Variants in FHIP1B observed in about 807,000 individuals in gnomAD.
FHIP1B encodes FHF complex subunit HOOK-interacting protein 1B.
Under a neutral mutation model 82.2 loss-of-function variants are expected in FHIP1B, and 28 were observed. The ratio of observed to expected loss-of-function variants is 0.34; its 90% confidence interval spans 0.25 to 0.47. The LOEUF (loss-of-function observed/expected upper bound fraction) is 0.47, where lower values mean the gene tolerates loss of function less well. Among genes scored for constraint, FHIP1B ranks in the 20% least tolerant of loss-of-function variants. The pLI, the probability that FHIP1B is intolerant of heterozygous loss-of-function variation, is 1.00. For missense variants in FHIP1B, 1,110 were observed against 1,262.6 expected, an observed-to-expected ratio of 0.88 and a Z score of 1.83; for synonymous variants, 585 against 516.1, an observed-to-expected ratio of 1.13 and a Z score of -1.81.
intron 9 of FHIP1B, chr11:6,215,145 A>C (rs1174417787): frequency 5.0e-6 from 2 of 403,184 alleles, no homozygotes; most frequent in Non-Finnish European, 8.8e-6. Context: ...CTGACAAGCC[A>C]GATCTTAGGC....
In FHIP1B at chr11:6,222,916, G is replaced by A; in HGVS notation, c.937-19C>T. 1.2e-6 allele frequency: 2 copies of A among 1,612,232 alleles called. No individual in the cohort carries two copies. Among genetic ancestry groups the A allele is most frequent in the Non-Finnish European group, 8.5e-7 (1 of 1,178,260 alleles). ...GAGCCACCTGTAGGAGTGCCAGAGA[G>A]AAGGGGGAGGGTTATGAGGAGACCA... On this transcript the variant is annotated intron_variant, in intron 4 of 11. Coordinates refer to ENST00000449352, the MANE Select transcript of FHIP1B (RefSeq NM_001098794.2).
intron 1 of FHIP1B, among the ~76,000 whole-genome samples, chr11:6,233,779 G>A (rs1194483943): frequency 1.3e-5 from 2 of 152,178 alleles, no homozygotes; most frequent in African/African-American, 4.8e-5. Context: ...GAATAAGGTT[G>A]TCCAGAAGCA....
chr11:6,224,705 A>C lies in FHIP1B; in HGVS notation c.-189T>G. 1.7e-6 allele frequency: 1 copy of C among 588,980 alleles called. No homozygotes were observed. The highest frequency in any genetic ancestry group is 3.0e-6 in the Non-Finnish European group (1 of 338,078). 36.5% of individuals were successfully genotyped at this position (588,980 alleles called of 1,614,324 possible). A position where few individuals can be genotyped will look rare whatever the true frequency, so the allele number is the denominator to read the frequency against. On this transcript the variant is annotated splice_region_variant and 5_prime_UTR_variant, in exon 2 of 12. It adds an upstream start codon to the 5' untranslated region. Coordinates refer to ENST00000449352, the MANE Select transcript of FHIP1B (RefSeq NM_001098794.2). ...GGTCACTGGCCAGTCCAGATTTCTA[A>C]ATCTAATTCAGAGAAGAGATAATGG... is the stretch of plus-strand genomic sequence containing the variant.
At position 6,211,396 on chromosome 11, in the gene FHIP1B, T is replaced by A; in HGVS notation, c.*110A>T. 1 of 1,321,166 alleles carries A rather than the reference T, an allele frequency of 7.6e-7. No individual in the cohort carries two copies. The highest frequency in any genetic ancestry group is 1.0e-6 in the Non-Finnish European group (1 of 971,948). 81.8% of individuals were successfully genotyped at this position (1,321,166 alleles called of 1,614,324 possible). On this transcript the variant is annotated 3_prime_UTR_variant, in exon 12 of 12. Transcript: ENST00000449352. ...CAACAAGTTCTCCATAAAACATTCATCTGAAATAAATTAAAAAGTCCTTTT... is the reference window on the plus strand; with the variant it reads ...CAACAAGTTCTCCATAAAACATTCAACTGAAATAAATTAAAAAGTCCTTTT...
In FHIP1B at chr11:6,224,450, C is replaced by G. The variant is rs199549976; in HGVS notation, c.67G>C (p.Ala23Pro). The G allele has an allele frequency of 2.3e-5, 37 of 1,614,000 alleles. No homozygotes were observed. The African/African-American group carries it at 4.7e-4, about 20-fold the overall frequency. The part of the protein sequence containing the change: ...RGPGHRIPQG[A>P]NLQTPVMADP... Reference sequence around the variant, plus strand: ...GCCATGACTGGGGTTTGGAGATTGGCCCCTTGAGGTATACGGTGCCCAGGG... The same window carrying G: ...GCCATGACTGGGGTTTGGAGATTGGGCCCTTGAGGTATACGGTGCCCAGGG... The change falls in exon 2 of 12, where the codon GCC becomes CCC. Residue 23 changes from alanine (A) to proline (P), a missense_variant. Ala to Pro is a conservative substitution (Grantham distance 27, BLOSUM62 -1). This residue lies in a region of FHIP1B where 467 missense variants were observed against 602.9 expected (regional missense o/e 0.77). Transcript: ENST00000449352.
intron 1 of FHIP1B, among the ~76,000 whole-genome samples, chr11:6,230,003 G>A (rs1238877189): frequency 1.4e-5 from 2 of 148,036 alleles, no homozygotes; most frequent in East Asian, 3.9e-4. Flanking sequence ...AGCAGAACCT[G>A]CCACTCTCCA....
chr11:6,227,086 T>C (rs1299404848), intron 1 of FHIP1B, among the ~76,000 whole-genome samples: 1 of 152,210 alleles, frequency 6.6e-6, no homozygotes, highest in East Asian at 1.9e-4. Flanking sequence ...AAAATAAAAA[T>C]AGCATTCATT....
In FHIP1B at chr11:6,214,530, G is replaced by C. The variant is rs768704295; in HGVS notation, c.2438C>G (p.Ser813Cys). 11 of 1,614,014 alleles carry C rather than the reference G, an allele frequency of 6.8e-6. No homozygotes were observed. In the South Asian group the frequency reaches 1.1e-4, roughly 16 times the overall value. ...CAGCAGTGCTGGGAAGTCCTCCTGG[G>C]AAGCCGCAAAGTTCTCAATCTTATT... ...VKNKIENFAASQEDFPALLSK... is the reference protein window; with the variant it reads ...VKNKIENFAACQEDFPALLSK... The change falls in exon 11 of 12, where the codon TCC becomes TGC. Residue 813 changes from serine (S) to cysteine (C), a missense_variant. Physicochemically the swap from Ser to Cys is moderately radical, Grantham distance 112. Coordinates refer to ENST00000449352, the MANE Select transcript of FHIP1B (RefSeq NM_001098794.2).
At position 6,224,422 on chromosome 11, in the gene FHIP1B, T is replaced by C; in HGVS notation, c.95A>G (p.Asp32Gly). ...GANLQTPVMA[D>G]PETCLMVFKN... ...GAAGACCATGAGGCAGGTCTCGGGATCAGCCATGACTGGGGTTTGGAGATT... is the reference window on the plus strand; with the variant it reads ...GAAGACCATGAGGCAGGTCTCGGGACCAGCCATGACTGGGGTTTGGAGATT... The change falls in exon 2 of 12, where the codon GAT becomes GGT. Residue 32 changes from aspartate (D) to glycine (G), a missense_variant. Physicochemically the swap from Asp to Gly is moderately conservative, Grantham distance 94. Around this residue, in one of 6 missense-constraint regions of FHIP1B, gnomAD observed 467 missense variants for 602.9 expected, o/e 0.77. Coordinates refer to ENST00000449352, the MANE Select transcript of FHIP1B (RefSeq NM_001098794.2). 6.2e-7 allele frequency: 1 copy of C among 1,614,120 alleles called. No individual in the cohort carries two copies. The highest frequency in any genetic ancestry group is 8.5e-7 in the Non-Finnish European group (1 of 1,180,018).
intron 1 of FHIP1B, among the ~76,000 whole-genome samples, chr11:6,228,500 A>C (rs73395020): frequency 8.8e-4 from 134 of 152,340 alleles, no homozygotes; most frequent in Middle Eastern, 3.4e-3. Flanking sequence ...TAAATAAATA[A>C]GATAGAGATA....
At chr11:6,224,307 T>A in intron 2 of FHIP1B, 59 bp from the exon 3 acceptor site, 2 of 1,614,052 alleles carry the variant, frequency 1.2e-6, no homozygotes, top group Non-Finnish European at 1.7e-6. Flanking sequence ...CTAAATGGGA[T>A]GAGGAGAATA....
chr11:6,223,098 G>T lies in FHIP1B; in HGVS notation c.918C>A (p.Phe306Leu). The T allele has an allele frequency of 1.9e-6, 3 of 1,579,924 alleles. No homozygotes were observed. Among genetic ancestry groups the T allele is most frequent in the Non-Finnish European group, 2.6e-6 (3 of 1,166,860 alleles). Residue 306 changes from phenylalanine to leucine, a missense_variant, in exon 4 of 12, where the codon TTC becomes TTA. Coordinates refer to ENST00000449352, the MANE Select transcript of FHIP1B (RefSeq NM_001098794.2). The surrounding 1 kb of genome is among the most constrained non-coding windows in gnomAD (Gnocchi z 4.8). ...GTCCTACCTGAATTACTGCATTGCA[G>T]AACTCCAGGGAACTCATGAAGAGTG... ...ALALFMSSLE[F>L]CNAVIQVAHP...
intron 11 of FHIP1B, among the ~76,000 whole-genome samples, chr11:6,213,330 T>G (rs552011153): frequency 1.3e-5 from 2 of 152,358 alleles, no homozygotes; most frequent in East Asian, 3.9e-4. Context: ...GTGAAATCCC[T>G]TACTCCTCTA....
chr11:6,225,283 C>T (rs980723557), intron 1 of FHIP1B, among the ~76,000 whole-genome samples: 2 of 152,214 alleles, frequency 1.3e-5, no homozygotes, highest in African/African-American at 2.4e-5. Flanking sequence ...GTGACACAGG[C>T]CTTCTTGAAT....
intron 6 of FHIP1B, among the ~76,000 whole-genome samples, chr11:6,221,336 C>T (rs757289869): frequency 4.6e-5 from 7 of 151,782 alleles, no homozygotes; most frequent in Non-Finnish European, 1.0e-4. Context: ...ATCCAGGAAA[C>T]TTTAACTTAT....
Position 6,234,371 on chromosome 11 carries a change from T to C in FHIP1B, c.-192+173A>G, listed in dbSNP as rs539804823. The stretch of plus-strand genomic sequence containing the variant: ...GCACCCAGCCTCTCACAGCCCCTCA[T>C]TTGTCCACTCACCTGTAAGCTCTCA... On this transcript the variant is annotated intron_variant, in intron 1 of 11. Transcript: ENST00000449352. 1.7e-4 allele frequency among the ~76,000 whole-genome samples: 26 copies of C among 152,132 alleles called. No homozygotes were observed. In the East Asian group the frequency reaches 5.0e-3, roughly 29 times the overall value.
At chr11:6,214,618 ATACAGTCCTTTC>A in intron 10 of FHIP1B, 45 bp from the exon 11 acceptor site, 1 of 1,577,210 alleles carries the variant, frequency 6.3e-7, no homozygotes, top group Non-Finnish European at 8.6e-7. Context: ...CTCTAGACTG[ATACAGTCCTTTC>A]TAGTCCCACT....
intron 1 of FHIP1B, among the ~76,000 whole-genome samples, chr11:6,232,922 G>T (rs957233444): frequency 6.6e-6 from 1 of 151,864 alleles, no homozygotes; most frequent in Non-Finnish European, 1.5e-5. Flanking sequence ...AACACCAAAA[G>T]AATAGGAATG....
chr11:6,230,116 G>A (rs1847660811), intron 1 of FHIP1B, among the ~76,000 whole-genome samples: 1 of 152,058 alleles, frequency 6.6e-6, no homozygotes, highest in African/African-American at 2.4e-5. Context: ...CCAAAATACA[G>A]CCTTACAGCC....
Sources: gnomAD v4.1 joint callset for allele counts (sites outside exome capture counted in the v4.1 genomes callset) on GRCh38, gnomAD v4.1.1 for gene constraint, gnomAD v4.1.1 regional missense constraint, Gnocchi (gnomAD v3.1) non-coding constraint, MANE v1.5 for transcripts, NCBI Gene and HGNC (gene_info 2026-07-23, HGNC 2026-07-21) for gene names.